Variants in SFXN5 observed in about 807,000 individuals in gnomAD.
SFXN5 encodes the protein sideroflexin-5.
Under a neutral mutation model 50.2 loss-of-function variants are expected in SFXN5, and 43 were observed. The ratio of observed to expected loss-of-function variants is 0.86; its 90% CI spans 0.67 to 1.11. The LOEUF is 1.11. SFXN5 is among the 50% of genes least tolerant of loss of function. SFXN5 has a pLI of 0.00. For missense variants in SFXN5, 463 were observed against 454.1 expected (o/e 1.02, Z -0.18); for synonymous variants, 203 against 185.8 (o/e 1.09, Z -0.75).
Position 73,071,664 on chromosome 2 carries a change from A to T in SFXN5, c.42T>A (p.Ser14Arg), listed in dbSNP as rs141813742. Residue 14 changes from serine (S) to arginine (R), a missense_variant, in exon 1 of 14, where the codon AGT becomes AGA. By Grantham distance (110) the Ser-to-Arg change is moderately radical. Transcript: ENST00000272433. ...TATTASAAAA[S>R]AASASSDAPP... is the part of the protein sequence containing the mutation. ...GTGCATCGCTCGAGGCGCTAGCGGC[A>T]CTAGCCGCCGCCGCCGATGCTGTAG... 3.9e-5 allele frequency: 63 copies of T among 1,612,756 alleles called. No homozygotes were observed. In the African/African-American group the frequency reaches 7.1e-4, roughly 18 times the overall value.
At chr2:73,006,470 A>G (rs1053802698) in intron 6 of SFXN5, among the ~76,000 whole-genome samples, 6 of 152,080 alleles carry the variant, frequency 3.9e-5, no homozygotes, top group African/African-American at 1.4e-4. Context: ...AAAAATGCAA[A>G]AACTAGCTGA....
chr2:73,030,768 T>C (rs1030179535), intron 3 of SFXN5, among the ~76,000 whole-genome samples: 1 of 152,232 alleles, frequency 6.6e-6, no homozygotes, highest in South Asian at 2.1e-4. Flanking sequence ...CTGTCTTATC[T>C]TTCTGCTATT....
At position 73,002,398 on chromosome 2, in the gene SFXN5, C is replaced by G. The variant is rs1477157321; in HGVS notation, c.358-820G>C. ...TGGTCTGATTTTGACACTGGCCAAG[C>G]CTTGGACTTCAGGGATCCATGTGCA... is the stretch of plus-strand genomic sequence containing the variant. On this transcript the variant is annotated intron_variant, in intron 6 of 13. Coordinates refer to ENST00000272433, the MANE Select transcript of SFXN5 (RefSeq NM_144579.3). 3.3e-5 allele frequency among the ~76,000 whole-genome samples: 5 copies of G among 152,316 alleles called. 1 individual carries two copies. The highest frequency in any genetic ancestry group is 4.1e-4 in the South Asian group (2 of 4,820).
chr2:73,020,541 C>T (rs148659000), intron 5 of SFXN5, among the ~76,000 whole-genome samples: 5 of 152,302 alleles, frequency 3.3e-5, no homozygotes, highest in African/African-American at 4.8e-5. Flanking sequence ...GGGCTGCCTG[C>T]GACCTGGGGC....
intron 2 of SFXN5, among the ~76,000 whole-genome samples, chr2:73,054,045 C>CT (rs1425045429): frequency 6.6e-6 from 1 of 152,172 alleles, no homozygotes; most frequent in Non-Finnish European, 1.5e-5. Context: ...GATGACCTTG[C>CT]TAAATAACCT....
At chr2:73,038,038 A>T (rs1343569046) in intron 3 of SFXN5, among the ~76,000 whole-genome samples, 1 of 152,242 alleles carries the variant, frequency 6.6e-6, no homozygotes, top group Non-Finnish European at 1.5e-5. Context: ...GCGTCACTTA[A>T]CAACAGGGAT....
rs1426531325 is a variant in SFXN5, at chr2:73,001,501, C to A, written c.411+24G>T. On this transcript the variant is annotated intron_variant, in intron 7 of 13. Coordinates refer to ENST00000272433, the MANE Select transcript of SFXN5 (RefSeq NM_144579.3). ...CCTGTGTGGGCCCTTCCTTCAGGAG[C>A]CCTGTTTGCTGCGAGACTGTTACCT... 4 of 1,613,928 alleles carry A rather than the reference C, an allele frequency of 2.5e-6. No homozygotes were observed. In the South Asian group the frequency reaches 3.3e-5, roughly 13 times the overall value.
intron 6 of SFXN5, among the ~76,000 whole-genome samples, chr2:73,011,135 C>A (rs1675447940): frequency 6.6e-6 from 1 of 152,196 alleles, no homozygotes; most frequent in African/African-American, 2.4e-5. Context: ...CTCACTGAAG[C>A]CTCAAACTCC....
chr2:72,963,509 T>C (rs1373609116), intron 12 of SFXN5, among the ~76,000 whole-genome samples: 2 of 142,082 alleles, frequency 1.4e-5, no homozygotes, highest in East Asian at 4.1e-4. Flanking sequence ...AGAGCAGGCC[T>C]GAGAGCGAAC....
chr2:72,964,681 C>G (rs1168810339), intron 12 of SFXN5, among the ~76,000 whole-genome samples: 2 of 152,248 alleles, frequency 1.3e-5, no homozygotes, highest in Admixed American at 1.3e-4. Flanking sequence ...TCTTATTCAT[C>G]TTCATCTTCC....
chr2:72,947,407 G>A (rs1032430565), intron 13 of SFXN5, among the ~76,000 whole-genome samples: 1 of 152,230 alleles, frequency 6.6e-6, no homozygotes, highest in Non-Finnish European at 1.5e-5. Context: ...GCTAGAGGGG[G>A]GCAGGTGAGA....
intron 6 of SFXN5, among the ~76,000 whole-genome samples, chr2:73,019,070 AT>A (rs1644519342): frequency 6.6e-6 from 1 of 152,246 alleles, no homozygotes; most frequent in Non-Finnish European, 1.5e-5. Flanking sequence ...AGAAATTCTG[AT>A]AATTTATGAC....
intron 12 of SFXN5, among the ~76,000 whole-genome samples, chr2:72,968,238 C>T (rs1011614443): frequency 3.9e-5 from 6 of 152,008 alleles, no homozygotes; most frequent in Admixed American, 2.0e-4. Context: ...AGCCCAGGGT[C>T]CTGCATAGTA....
In SFXN5 at chr2:73,000,446, G is replaced by A. The variant is rs1328137686; in HGVS notation, c.453C>T (p.Asn151=). ...QSHNACVNYA[N]RNATKPSPAS... is the part of the protein sequence containing the mutation. ...TGATGCTCACCTTGGTCGCATTGCG[G>A]TTTGCATAGTTGACACAGGCATTGT... is the stretch of plus-strand genomic sequence containing the variant. Residue 151 remains asparagine, a synonymous_variant, in exon 8 of 14, where the codon AAC becomes AAT. Coordinates refer to ENST00000272433, the MANE Select transcript of SFXN5 (RefSeq NM_144579.3). 22 of 1,559,484 alleles carry A rather than the reference G, an allele frequency of 1.4e-5. No homozygotes were observed. Among genetic ancestry groups the A allele is most frequent in the Non-Finnish European group, 1.8e-5 (21 of 1,150,398 alleles).
intron 1 of SFXN5, chr2:73,059,526 T>C (rs1186816126): frequency 1.0e-6 from 1 of 985,364 alleles, no homozygotes; most frequent in African/African-American, 1.7e-5. Context: ...TCCTGTTCCT[T>C]TCCCTTCCCA....
At chr2:72,958,844 T>C (rs1238838494) in intron 13 of SFXN5, among the ~76,000 whole-genome samples, 1 of 152,132 alleles carries the variant, frequency 6.6e-6, no homozygotes, top group Non-Finnish European at 1.5e-5. Context: ...GGGCATGAGA[T>C]GAGGTCCTGC....
intron 12 of SFXN5, among the ~76,000 whole-genome samples, chr2:72,968,161 ACACACAC>A (rs1469043892): frequency 4.6e-5 from 7 of 150,680 alleles, no homozygotes; most frequent in East Asian, 2.0e-4. Flanking sequence ...ACACACACAC[ACACACAC>A]AACTGCCAGC....
At chr2:73,003,120 A>G (rs1192787268) in intron 6 of SFXN5, among the ~76,000 whole-genome samples, 7 of 131,456 alleles carry the variant, frequency 5.3e-5, no homozygotes, top group African/African-American at 1.7e-4. Context: ...AGAGGGAGGG[A>G]GCTGAGCCTA....
At chr2:73,007,763 A>G (rs1057052211) in intron 6 of SFXN5, among the ~76,000 whole-genome samples, 2 of 151,934 alleles carry the variant, frequency 1.3e-5, no homozygotes, top group Admixed American at 6.6e-5. Flanking sequence ...ACACACAACA[A>G]TTGTCCTGTT....
Sources: gnomAD v4.1 joint callset for allele counts (sites outside exome capture counted in the v4.1 genomes callset) on GRCh38, gnomAD v4.1.1 for gene constraint, MANE v1.5 for transcripts, NCBI Gene and HGNC (gene_info 2026-07-23, HGNC 2026-07-21) for gene names.